The following RABGAP1L variants were observed in gnomAD, a reference collection of about 807,000 sequenced individuals.
The protein encoded by RABGAP1L is RAB GTPase activating protein 1 like.
RABGAP1L carries 63 observed loss-of-function variants against 137.7 expected under a neutral mutation model. The ratio of observed to expected loss-of-function variants is 0.46; its 90% CI spans 0.37 to 0.56. RABGAP1L has a LOEUF of 0.56. Ranked by LOEUF, RABGAP1L falls within the 20% of genes least tolerant of loss-of-function variation. RABGAP1L has a pLI of 0.00. For missense variants in RABGAP1L, 1,095 were observed against 1,244.0 expected (o/e 0.88, Z 1.80); for synonymous variants, 431 against 433.7 (o/e 0.99, Z 0.08).
At chr1:174,577,523 C>G (rs1341698403) in intron 13 of RABGAP1L, among the ~76,000 whole-genome samples, 1 of 151,976 alleles carries the variant, frequency 6.6e-6, no homozygotes, top group Non-Finnish European at 1.5e-5. Context: ...CACTGAGGAT[C>G]CAGCAGAGGA....
intron 19 of RABGAP1L, among the ~76,000 whole-genome samples, chr1:174,902,312 G>C (rs1017047301): frequency 6.6e-6 from 1 of 152,156 alleles, no homozygotes; most frequent in East Asian, 1.9e-4. Context: ...CCATAGAGGT[G>C]GTGGCTGCCT....
chr1:174,548,076 G>T, intron 13 of RABGAP1L: 1 of 1,548,448 alleles, frequency 6.5e-7, no homozygotes, highest in Non-Finnish European at 8.7e-7. Flanking sequence ...GCTCTTGGCA[G>T]CTTAGCATGA....
chr1:174,703,780 C>T (rs1321326539), intron 17 of RABGAP1L, among the ~76,000 whole-genome samples: 2 of 152,172 alleles, frequency 1.3e-5, no homozygotes, highest in African/African-American at 2.4e-5. Flanking sequence ...GCCATTCTGA[C>T]TGTCATAAGA....
At chr1:174,755,915 G>A (rs1684714345) in intron 18 of RABGAP1L, among the ~76,000 whole-genome samples, 1 of 152,180 alleles carries the variant, frequency 6.6e-6, no homozygotes, top group African/African-American at 2.4e-5. Flanking sequence ...GGACATTGGA[G>A]TCAGACTACT....
At chr1:174,638,900 G>T (rs1281114166) in intron 14 of RABGAP1L, among the ~76,000 whole-genome samples, 1 of 123,592 alleles carries the variant, frequency 8.1e-6, no homozygotes, top group Non-Finnish European at 1.6e-5. Context: ...GTTGGGGGAG[G>T]GGGGAGGGAT....
At chr1:174,181,983 A>G (rs745616241) in intron 1 of RABGAP1L, among the ~76,000 whole-genome samples, 8 of 152,244 alleles carry the variant, frequency 5.3e-5, no homozygotes, top group Non-Finnish European at 8.8e-5. Flanking sequence ...ATAAATGGTA[A>G]TAAATTTCAG....
chr1:174,408,124 T>A (rs2149121683), intron 13 of RABGAP1L, among the ~76,000 whole-genome samples: 1 of 152,348 alleles, frequency 6.6e-6, no homozygotes, highest in Non-Finnish European at 1.5e-5. Context: ...GTTACCTGAA[T>A]GTATTGCATG....
At chr1:174,445,478 G>T (rs1654638460) in intron 13 of RABGAP1L, among the ~76,000 whole-genome samples, 3 of 151,828 alleles carry the variant, frequency 2.0e-5, no homozygotes, top group Admixed American at 2.0e-4. Context: ...TTGACCTTCA[G>T]TATTGCTCTG....
At chr1:174,526,625 G>A (rs1326756772) in intron 13 of RABGAP1L, among the ~76,000 whole-genome samples, 3 of 151,866 alleles carry the variant, frequency 2.0e-5, no homozygotes, top group Non-Finnish European at 4.4e-5. Context: ...TTAGTGTATC[G>A]TTATTTATAA....
chr1:174,176,741 A>AAATAAAAT lies in RABGAP1L; in HGVS notation c.-34+17086_-34+17087insTAAAATAA, dbSNP rs1553248317. ...AAAAAAAAAAAAAAAAAAAAAAAAA[A>AAATAAAAT]AAAAAGGTCAACATTTGTTAATACT... is the stretch of plus-strand genomic sequence containing the variant. On this transcript the variant is annotated intron_variant, in intron 1 of 25. Transcript: ENST00000681986. Among the ~76,000 whole-genome samples, 111 of 111,808 alleles carry AAATAAAAT rather than the reference A, an allele frequency of 9.9e-4. 4 individuals are homozygous for AAATAAAAT. Among genetic ancestry groups the AAATAAAAT allele is most frequent in the African/African-American group, 3.7e-3 (103 of 28,040 alleles). The allele number at this position is 111,808 out of a possible 152,430, so 73.4% of individuals were successfully genotyped here. A position where few individuals can be genotyped will look rare whatever the true frequency, so the allele number is the denominator to read the frequency against.
intron 14 of RABGAP1L, among the ~76,000 whole-genome samples, chr1:174,675,502 T>C (rs1341662580): frequency 3.3e-5 from 5 of 151,734 alleles, no homozygotes; most frequent in Admixed American, 1.3e-4. Context: ...CCTTGTAGTA[T>C]AGTTTGAAGT....
chr1:174,720,150 T>G (rs1036766523), intron 17 of RABGAP1L, among the ~76,000 whole-genome samples: 5 of 152,146 alleles, frequency 3.3e-5, no homozygotes, highest in Non-Finnish European at 5.9e-5. Flanking sequence ...TTTGTGGGCA[T>G]TTGATTTTCA....
At chr1:174,588,832 T>C (rs1669331246) in intron 13 of RABGAP1L, among the ~76,000 whole-genome samples, 1 of 152,210 alleles carries the variant, frequency 6.6e-6, no homozygotes, top group Non-Finnish European at 1.5e-5. Context: ...TACCACATTT[T>C]CTTTATCCAT....
chr1:174,783,258 C>T (rs1334540512), intron 18 of RABGAP1L, among the ~76,000 whole-genome samples: 1 of 152,136 alleles, frequency 6.6e-6, no homozygotes, highest in Non-Finnish European at 1.5e-5. Flanking sequence ...AAACACTAGT[C>T]GCTGGGTTCA....
At chr1:174,674,476 C>T (rs1324706358) in intron 14 of RABGAP1L, among the ~76,000 whole-genome samples, 1 of 150,444 alleles carries the variant, frequency 6.6e-6, no homozygotes, top group Non-Finnish European at 1.5e-5. Flanking sequence ...TTTTCTTAAT[C>T]CAGTCTATCA....
chr1:174,396,242 G>A (rs779118456), intron 13 of RABGAP1L, among the ~76,000 whole-genome samples: 4 of 152,018 alleles, frequency 2.6e-5, no homozygotes, highest in African/African-American at 4.8e-5. Flanking sequence ...GGAATTAGAC[G>A]GTGGTGACAG....
At chr1:174,976,961 A>G (rs1280028841) in intron 22 of RABGAP1L, among the ~76,000 whole-genome samples, 3 of 152,342 alleles carry the variant, frequency 2.0e-5, no homozygotes, top group Middle Eastern at 6.8e-3. Context: ...TTTCATCACA[A>G]ACAATTGAAG....
chr1:174,327,923 G>A (rs745988632), intron 11 of RABGAP1L, among the ~76,000 whole-genome samples: 3 of 140,838 alleles, frequency 2.1e-5, no homozygotes, highest in African/African-American at 8.1e-5. Context: ...AATGTTAAAG[G>A]GGACAGTAGA....
chr1:174,316,057 T>G (rs1435047122), intron 11 of RABGAP1L, among the ~76,000 whole-genome samples: 1 of 152,248 alleles, frequency 6.6e-6, no homozygotes, highest in African/African-American at 2.4e-5. Flanking sequence ...CAATTGCATT[T>G]TTCAGCTCCA....
Sources: gnomAD v4.1 joint callset for allele counts (sites outside exome capture counted in the v4.1 genomes callset) on GRCh38, gnomAD v4.1.1 for gene constraint, MANE v1.5 for transcripts, NCBI Gene and HGNC (gene_info 2026-07-23, HGNC 2026-07-21) for gene names.